COX11: variants seen among roughly 807,000 people sequenced by gnomAD.
COX11 encodes cytochrome c oxidase copper chaperone COX11.
In COX11, 18 loss-of-function variants were observed where a neutral mutation model predicts 29.4. The ratio of observed to expected loss-of-function variants is 0.61; its 90% CI spans 0.42 to 0.91. The LOEUF (loss-of-function observed/expected upper bound fraction) is 0.91. Ranked by LOEUF, COX11 falls within the 40% of genes least tolerant of loss-of-function variation. The pLI is 0.00. For synonymous variants in COX11, 131 were observed against 124.0 expected, an observed-to-expected ratio of 1.06 and a Z score of -0.38; for missense variants, 312 against 346.0, an observed-to-expected ratio of 0.90 and a Z score of 0.78.
chr17:54,968,269 G>T lies in COX11; in HGVS notation c.366+12C>A. ...GCGTCTGCGCCACCCTGCGGGCGGC[G>T]CCGGCCCCTACCTGGCAATAGAGCC... On this transcript the variant is annotated intron_variant, in intron 1 of 3. Transcript: ENST00000299335. The T allele has an allele frequency of 6.2e-7, 1 of 1,605,432 alleles. No homozygotes were observed. Among genetic ancestry groups the T allele is most frequent in the South Asian group, 1.1e-5 (1 of 90,834 alleles).
Position 54,968,359 on chromosome 17 carries a change from G to A in COX11, c.288C>T (p.Leu96=). ...CCACGGCGACAGCGGCCACGTAAGT[G>A]AGGGTCGTCTTGTTCTGCCGCCGCC... The part of the protein sequence containing the change: ...EERRRQNKTT[L]TYVAAVAVGM... Residue 96 remains leucine (L), a synonymous_variant, in exon 1 of 4, where the codon CTC becomes CTT. Transcript: ENST00000299335. The A allele has an allele frequency of 6.2e-7, 1 of 1,613,032 alleles. No individual in the cohort carries two copies. Among genetic ancestry groups the A allele is most frequent in the Non-Finnish European group, 8.5e-7 (1 of 1,179,954 alleles).
exon 1 of COX11, chr17:54,953,764 A>G (rs1002951562): frequency 3.3e-5 from 5 of 152,096 alleles, no homozygotes; most frequent in Non-Finnish European, 7.4e-5. Context: ...ATAGACCTTA[A>G]AGGAGATGTC....
downstream of COX11, among the ~76,000 whole-genome samples, chr17:54,960,112 C>G (rs1305448292): frequency 6.6e-6 from 1 of 152,056 alleles, no homozygotes; most frequent in African/African-American, 2.4e-5. Context: ...CCTGTAATCC[C>G]AGCACTTTGG....
exon 1 of COX11, chr17:54,952,426 A>G (rs2049280318): frequency 1.3e-5 from 2 of 151,856 alleles, no homozygotes; most frequent in African/African-American, 2.4e-5. Flanking sequence ...GCGCACCTGT[A>G]GTCCCAGCTA....
At chr17:54,954,486 A>G (rs148212589) in exon 1 of COX11, 3 of 152,380 alleles carry the variant, frequency 2.0e-5, no homozygotes, top group Non-Finnish European at 4.4e-5. Context: ...GGGGCCTGCT[A>G]TTGCCATAGC....
chr17:54,961,162 CAAG>C lies in COX11; in HGVS notation c.*1568_*1570del, dbSNP rs780575988. On this transcript the variant is annotated 3_prime_UTR_variant, in exon 4 of 4. Coordinates refer to ENST00000299335, the MANE Select transcript of COX11 (RefSeq NM_004375.5). ...TGACTCTCCAGCTTCCCAGTAAAGA[CAAG>C]AGAGTTATCAAGGAATGGGGAAAGA... The C allele has an allele frequency of 6.3e-5, 67 of 1,064,806 alleles. No homozygotes were observed. The highest frequency in any genetic ancestry group is 8.9e-5 in the Non-Finnish European group (63 of 706,718). The allele number at this position is 1,064,806 out of a possible 1,614,324, so 66.0% of individuals were successfully genotyped here. A position where few individuals can be genotyped will look rare whatever the true frequency, so the allele number is the denominator to read the frequency against.
At chr17:54,963,027 T>C (rs2077157563) in intron 3 of COX11, 112 bp from the exon 4 acceptor site, 4 of 895,882 alleles carry the variant, frequency 4.5e-6, no homozygotes, top group Admixed American at 2.8e-5. Context: ...TTAATAAGCA[T>C]ACTATTAAAT....
intron 1 of COX11, among the ~76,000 whole-genome samples, chr17:54,967,086 C>A (rs1446727199): frequency 6.6e-6 from 1 of 151,234 alleles, no homozygotes; most frequent in African/African-American, 2.4e-5. Context: ...AAAGAGTGAA[C>A]TCCAGCTAAG....
chr17:54,957,169 C>G (rs889259034), downstream of COX11: 3 of 152,250 alleles, frequency 2.0e-5, no homozygotes, highest in Non-Finnish European at 4.4e-5. Flanking sequence ...ACCCAACCCT[C>G]TGCATCTCTT....
chr17:54,964,570 G>C, intron 2 of COX11, 127 bp downstream of exon 2: 2 of 902,322 alleles, frequency 2.2e-6, no homozygotes, highest in Non-Finnish European at 3.4e-6. Flanking sequence ...AGTCAATTTG[G>C]AACAATGGAA....
chr17:54,954,063 G>C (rs2049368905), exon 1 of COX11: 1 of 152,150 alleles, frequency 6.6e-6, no homozygotes, highest in Non-Finnish European at 1.5e-5. Context: ...AGCCACTCTT[G>C]ATTCTTGTTA....
chr17:54,965,024 C>T (rs2077193722), intron 1 of COX11, among the ~76,000 whole-genome samples, 172 bp from the exon 2 acceptor site: 1 of 152,158 alleles, frequency 6.6e-6, no homozygotes, highest in Admixed American at 6.5e-5. Flanking sequence ...TTTGGGATGT[C>T]ATGAGCCTGT....
downstream of COX11, among the ~76,000 whole-genome samples, chr17:54,959,864 A>ACC (rs1002900445): frequency 2.6e-5 from 4 of 151,846 alleles, no homozygotes; most frequent in Non-Finnish European, 5.9e-5. Flanking sequence ...CGATCCACCC[A>ACC]CCTCAGCCTC....
chr17:54,961,841 A>G lies in COX11; in HGVS notation c.*892T>C, dbSNP rs895769422. Reference sequence around the variant, plus strand: ...TTTAAATATGATTCTTTGTAATGCTAAATAGCCTTTTTTTCTCTTTTTACT... The same window carrying G: ...TTTAAATATGATTCTTTGTAATGCTGAATAGCCTTTTTTTCTCTTTTTACT... On this transcript the variant is annotated 3_prime_UTR_variant, in exon 4 of 4. Transcript: ENST00000299335. 1 of 980,828 alleles carries G rather than the reference A, an allele frequency of 1.0e-6. No individual in the cohort carries two copies. The highest frequency in any genetic ancestry group is 1.2e-6 in the Non-Finnish European group (1 of 825,496). The allele number at this position is 980,828 out of a possible 1,614,324, so 60.8% of individuals were successfully genotyped here. A position where few individuals can be genotyped will look rare whatever the true frequency, so the allele number is the denominator to read the frequency against.
chr17:54,965,988 A>G (rs927722350), intron 1 of COX11, among the ~76,000 whole-genome samples: 4 of 152,216 alleles, frequency 2.6e-5, no homozygotes, highest in African/African-American at 9.6e-5. Flanking sequence ...AGCAAGATAC[A>G]GTGTTTTAGC....
chr17:54,968,736 C>G, upstream of COX11: 1 of 1,448,244 alleles, frequency 6.9e-7, no homozygotes, highest in Non-Finnish European at 9.2e-7. Flanking sequence ...TGGGTTGAGC[C>G]TGCCGCTGCC....
At position 54,968,467 on chromosome 17, in the gene COX11, G is replaced by A. The variant is rs558840074; in HGVS notation, c.180C>T (p.Ser60=). ...GCAATGCTGGATGCCGGGCTCGAAGGCTGCAGCGCTTCCATGTCCCAAGCC... is the reference window on the plus strand; with the variant it reads ...GCAATGCTGGATGCCGGGCTCGAAGACTGCAGCGCTTCCATGTCCCAAGCC... ...LRWLGTWKRC[S]LRARHPALQP... is the part of the protein sequence containing the mutation. The change falls in exon 1 of 4, where the codon AGC becomes AGT. Residue 60 remains serine (S), a synonymous_variant. Coordinates refer to ENST00000299335, the MANE Select transcript of COX11 (RefSeq NM_004375.5). 1.5e-5 allele frequency: 25 copies of A among 1,613,424 alleles called. No individual in the cohort carries two copies. The South Asian group carries it at 2.4e-4, about 16-fold the overall frequency.
At chr17:54,955,334 CAAGT>C (rs2049444425), upstream of COX11, among the ~76,000 whole-genome samples, 1 of 152,152 alleles carries the variant, frequency 6.6e-6, no homozygotes, top group African/African-American at 2.4e-5. Context: ...GTAAATCAAT[CAAGT>C]GAGTGAGGTG....
Position 54,962,908 on chromosome 17 carries a change from C to T in COX11, c.656G>A (p.Cys219Tyr). Residue 219 changes from cysteine to tyrosine, a missense_variant, in exon 4 of 4, where the codon TGT becomes TAT. Cys to Tyr is a radical substitution (Grantham distance 194, BLOSUM62 -2). Around this residue, in one of 2 missense-constraint regions of COX11, gnomAD observed 182 missense variants for 240.0 expected, o/e 0.76. Transcript: ENST00000299335. ...GGGATTAAGCCTTTGTTCTTCAAAA[C>T]AGAAGCACTGGAAATTATAGAAAGA... ...GQYFNKIQCF[C>Y]FEEQRLNPQE... The T allele has an allele frequency of 6.2e-7, 1 of 1,608,176 alleles. No individual in the cohort carries two copies. Among genetic ancestry groups the T allele is most frequent in the Non-Finnish European group, 8.5e-7 (1 of 1,177,760 alleles).
Sources: gnomAD v4.1 joint callset for allele counts (sites outside exome capture counted in the v4.1 genomes callset) on GRCh38, gnomAD v4.1.1 for gene constraint, gnomAD v4.1.1 regional missense constraint, MANE v1.5 for transcripts, NCBI Gene and HGNC (gene_info 2026-07-23, HGNC 2026-07-21) for gene names.